Variants in MAPRE2 observed in about 807,000 individuals in gnomAD.
MAPRE2 encodes the protein microtubule associated protein RP/EB family member 2.
In MAPRE2, 13 loss-of-function variants were observed where a neutral mutation model predicts 43.2. The ratio of observed to expected loss-of-function variants is 0.30; its 90% CI spans 0.20 to 0.48. The LOEUF (loss-of-function observed/expected upper bound fraction) is 0.48, where lower values mean the gene tolerates loss of function less well. Among genes scored for constraint, MAPRE2 ranks in the 20% least tolerant of loss-of-function variants. The pLI is 0.99. For synonymous variants in MAPRE2, 135 were observed against 148.8 expected (o/e 0.91, Z 0.68); for missense variants, 161 against 400.2 (o/e 0.40, Z 5.10).
rs920577413 is a variant in MAPRE2 at position 35,082,811 on chromosome 18, T to C, written c.250+12489T>C. ...TGTTGTTTTTTTATTGGGCAGACTT[T>C]GAACTAACTGTATGGAACTAATATT... On this transcript the variant is annotated intron_variant, in intron 2 of 6. Transcript: ENST00000300249. Among the ~76,000 whole-genome samples the C allele has an allele frequency of 9.8e-5, 15 of 152,292 alleles. No individual in the cohort carries two copies. In the South Asian group the frequency reaches 2.7e-3, roughly 27 times the overall value.
Position 35,140,311 on chromosome 18 carries a change from A to C in MAPRE2, c.926A>C (p.Glu309Ala), listed in dbSNP as rs756333635. 5.0e-5 allele frequency: 81 copies of C among 1,613,766 alleles called. No homozygotes were observed. The highest frequency in any genetic ancestry group is 6.7e-5 in the Non-Finnish European group (79 of 1,179,928). Reference sequence around the variant, plus strand: ...TGCCCACAGGAGGGCCACACAGAAGAGCCGGAAGCAGAGGAGCAAGCCCAC... The same window carrying C: ...TGCCCACAGGAGGGCCACACAGAAGCGCCGGAAGCAGAGGAGCAAGCCCAC... ...ASEEHEGHTE[E>A]PEAEEQAHEQ... Residue 309 changes from glutamate to alanine, a missense_variant, in exon 7 of 7, where the codon GAG (glutamate) becomes GCG (alanine). Transcript: ENST00000300249.
At chr18:34,989,399 A>G (rs1282707932) in intron 1 of MAPRE2, among the ~76,000 whole-genome samples, 1 of 151,892 alleles carries the variant, frequency 6.6e-6, no homozygotes, top group Admixed American at 6.6e-5. Context: ...GTCTTGTCTC[A>G]GGTTCTTGGT....
At chr18:35,022,468 A>G (rs1411089336) in intron 2 of MAPRE2, among the ~76,000 whole-genome samples, 1 of 152,186 alleles carries the variant, frequency 6.6e-6, no homozygotes, top group African/African-American at 2.4e-5. Flanking sequence ...AAAAATATAT[A>G]TTAAGATTCA....
At chr18:35,023,774 A>T (rs975197718) in intron 2 of MAPRE2, among the ~76,000 whole-genome samples, 9 of 152,118 alleles carry the variant, frequency 5.9e-5, no homozygotes, top group Non-Finnish European at 8.8e-5. Flanking sequence ...TTTTAGATTC[A>T]TTAAAGAGAT....
chr18:35,140,557 C>A lies in MAPRE2; in HGVS notation c.*188C>A. On this transcript the variant is annotated 3_prime_UTR_variant, in exon 7 of 7. Coordinates refer to ENST00000300249, the MANE Select transcript of MAPRE2 (RefSeq NM_014268.4). ...TTCTTTGCCAAGGTGTATTAGCGGA[C>A]GGCCCTCTGGCCACCTACCCGAGAG... 2 of 594,966 alleles carry A rather than the reference C, an allele frequency of 3.4e-6. No individual in the cohort carries two copies. Among genetic ancestry groups the A allele is most frequent in the South Asian group, 4.6e-5 (2 of 43,156 alleles). The allele number at this position is 594,966 out of a possible 1,614,324, so 36.9% of individuals were successfully genotyped here. A position where few individuals can be genotyped will look rare whatever the true frequency, so the allele number is the denominator to read the frequency against.
intron 1 of MAPRE2, among the ~76,000 whole-genome samples, chr18:34,985,430 T>G (rs1337037308): frequency 2.0e-5 from 1 of 49,652 alleles, no homozygotes; most frequent in Non-Finnish European, 3.3e-5. Context: ...ATGTAAACTA[T>G]ATTATATATT....
chr18:34,999,912 A>G (rs932718533), intron 1 of MAPRE2, among the ~76,000 whole-genome samples: 1 of 151,918 alleles, frequency 6.6e-6, no homozygotes, highest in Non-Finnish European at 1.5e-5. Context: ...CCCCTAGAGA[A>G]GGCCCTGAGC....
At chr18:35,001,381 G>A (rs1307458786) in intron 1 of MAPRE2, among the ~76,000 whole-genome samples, 1 of 152,164 alleles carries the variant, frequency 6.6e-6, no homozygotes, top group Non-Finnish European at 1.5e-5. Context: ...GGGTGTGGTG[G>A]CACATGCCTG....
At chr18:34,986,301 C>T (rs1306499808) in intron 1 of MAPRE2, among the ~76,000 whole-genome samples, 6 of 152,090 alleles carry the variant, frequency 3.9e-5, no homozygotes, top group Non-Finnish European at 8.8e-5. Context: ...TTTCAAAGAT[C>T]ATCTTAAATC....
chr18:35,082,655 C>A (rs1466538356), intron 2 of MAPRE2, among the ~76,000 whole-genome samples: 1 of 152,066 alleles, frequency 6.6e-6, no homozygotes, highest in Non-Finnish European at 1.5e-5. Context: ...AATGATCAGA[C>A]CTTTACAAAG....
chr18:35,019,414 T>G lies in MAPRE2; in HGVS notation c.-8+13861T>G, dbSNP rs535780649. On this transcript the variant is annotated intron_variant, in intron 2 of 7. Transcript: ENST00000413393. ...TGTGGTTGGTGGAGTATTCTGTAGA[T>G]GTCTATTAGGTCCAAGTGTTGAATT... Among the ~76,000 whole-genome samples, 100 of 152,104 alleles carry G rather than the reference T, an allele frequency of 6.6e-4. No homozygotes were observed. In the South Asian group the frequency reaches 0.019, roughly 29 times the overall value.
chr18:35,095,734 A>G (rs1383454795), intron 2 of MAPRE2, among the ~76,000 whole-genome samples: 1 of 152,126 alleles, frequency 6.6e-6, no homozygotes, highest in Non-Finnish European at 1.5e-5. Flanking sequence ...TAAAGTGGCA[A>G]TTGGAATTTG....
intron 1 of MAPRE2, among the ~76,000 whole-genome samples, chr18:35,051,794 G>A (rs1346805792): frequency 6.6e-6 from 1 of 152,158 alleles, no homozygotes; most frequent in South Asian, 2.1e-4. Flanking sequence ...GGAAATAATA[G>A]TAGCATCAAC....
intron 2 of MAPRE2, among the ~76,000 whole-genome samples, chr18:35,025,277 G>A (rs532374576): frequency 1.2e-3 from 186 of 152,306 alleles, no homozygotes; most frequent in African/African-American, 4.3e-3. Flanking sequence ...TGAAGCTGCT[G>A]TTCAGCCTGT....
chr18:35,066,996 GTTATT>G (rs1906866401), intron 1 of MAPRE2, among the ~76,000 whole-genome samples: 1 of 152,176 alleles, frequency 6.6e-6, no homozygotes, highest in Admixed American at 6.5e-5. Context: ...TTAATGTGTT[GTTATT>G]TTATTTTAGG....
chr18:34,985,650 CATATG>C (rs2097020451), intron 1 of MAPRE2, among the ~76,000 whole-genome samples: 1 of 91,930 alleles, frequency 1.1e-5, no homozygotes, highest in Non-Finnish European at 2.1e-5. Flanking sequence ...TAATATATAA[CATATG>C]ATATATTATA....
intron 4 of MAPRE2, 46 bp from the exon 5 acceptor site, chr18:35,126,902 A>G: frequency 6.4e-7 from 1 of 1,572,962 alleles, no homozygotes; most frequent in Non-Finnish European, 8.7e-7. Context: ...TCTAAAACAC[A>G]CTTTTAATAT....
chr18:35,067,403 T>A (rs1906883655), intron 1 of MAPRE2, among the ~76,000 whole-genome samples: 1 of 152,176 alleles, frequency 6.6e-6, no homozygotes, highest in East Asian at 1.9e-4. Flanking sequence ...AATGACCTGC[T>A]TCCTTGTTTA....
intron 2 of MAPRE2, among the ~76,000 whole-genome samples, chr18:35,021,018 C>T (rs948988097): frequency 1.3e-5 from 2 of 151,978 alleles, no homozygotes; most frequent in Non-Finnish European, 2.9e-5. Context: ...GTCTTTGAGC[C>T]GAGCCTGCCT....
Sources: gnomAD v4.1 joint callset for allele counts (sites outside exome capture counted in the v4.1 genomes callset) on GRCh38, gnomAD v4.1.1 for gene constraint, MANE v1.5 for transcripts, NCBI Gene and HGNC (gene_info 2026-07-23, HGNC 2026-07-21) for gene names.